The following VRK2 variants were observed in gnomAD, a reference collection of about 807,000 sequenced individuals.
VRK2 encodes the protein VRK serine/threonine kinase 2, also known as serine/threonine-protein kinase VRK2.
Under a neutral mutation model 57.6 loss-of-function variants are expected in VRK2, and 60 were observed. The ratio of observed to expected loss-of-function variants is 1.04; its 90% CI spans 0.85 to 1.29. The LOEUF (loss-of-function observed/expected upper bound fraction) is 1.29, where lower values mean the gene tolerates loss of function less well. VRK2 is among the 50% of genes most tolerant of loss of function. The pLI, the probability that VRK2 is intolerant of heterozygous loss-of-function variation, is 0.00. For missense variants in VRK2, 705 were observed against 588.1 expected (o/e 1.20, Z -2.06); for synonymous variants, 231 against 199.2 (o/e 1.16, Z -1.35).
intron 12 of VRK2, among the ~76,000 whole-genome samples, chr2:58,150,802 A>G (rs1682908780): frequency 6.6e-6 from 1 of 151,126 alleles, no homozygotes; most frequent in Admixed American, 6.6e-5. Flanking sequence ...TTGGCTGTCT[A>G]TTTCACAAAT....
At chr2:57,916,310 G>T (rs1159852126) in intron 1 of VRK2, among the ~76,000 whole-genome samples, 1 of 151,628 alleles carries the variant, frequency 6.6e-6, no homozygotes, top group Admixed American at 6.6e-5. Flanking sequence ...GGAAGTTGAG[G>T]CAGGAGAATC....
At chr2:57,995,746 T>C (rs1013706333) in intron 1 of VRK2, among the ~76,000 whole-genome samples, 4 of 152,206 alleles carry the variant, frequency 2.6e-5, no homozygotes, top group African/African-American at 9.6e-5. Context: ...AAATAATAAG[T>C]GTTACTTTTT....
chr2:57,998,900 A>G (rs1673003829), intron 1 of VRK2, among the ~76,000 whole-genome samples: 1 of 152,248 alleles, frequency 6.6e-6, no homozygotes, highest in Admixed American at 6.5e-5. Flanking sequence ...TTCTGAAGGT[A>G]TCTGAAGTCA....
chr2:58,072,296 T>C (rs1013946928), intron 2 of VRK2, among the ~76,000 whole-genome samples: 18 of 152,008 alleles, frequency 1.2e-4, no homozygotes, highest in Admixed American at 7.9e-4. Flanking sequence ...AGCTAGGACT[T>C]TCAGTATGAT....
chr2:58,004,788 A>T (rs1205573768), intron 1 of VRK2, among the ~76,000 whole-genome samples: 1 of 152,192 alleles, frequency 6.6e-6, no homozygotes, highest in Non-Finnish European at 1.5e-5. Flanking sequence ...ACAGGCAAAT[A>T]GGATAAATGT....
intron 7 of VRK2, among the ~76,000 whole-genome samples, chr2:58,102,296 C>T (rs1232193497): frequency 6.6e-6 from 1 of 151,164 alleles, no homozygotes; most frequent in Non-Finnish European, 1.5e-5. Flanking sequence ...TTAAAATACA[C>T]AGATTGCCAG....
chr2:58,049,476 C>G (rs1675382402), intron 2 of VRK2, among the ~76,000 whole-genome samples: 1 of 152,020 alleles, frequency 6.6e-6, no homozygotes, highest in African/African-American at 2.4e-5. Context: ...ATGTGCCATT[C>G]TTGGGATAAT....
At chr2:58,063,789 A>T (rs1336314422) in intron 2 of VRK2, among the ~76,000 whole-genome samples, 1 of 152,224 alleles carries the variant, frequency 6.6e-6, no homozygotes, top group African/African-American at 2.4e-5. Context: ...GATTCCTCAG[A>T]TGGATCTGGG....
chr2:58,119,810 C>T (rs971022319), intron 7 of VRK2, among the ~76,000 whole-genome samples: 5 of 150,676 alleles, frequency 3.3e-5, no homozygotes, highest in African/African-American at 1.2e-4. Flanking sequence ...TATTTTGAAC[C>T]GTATGCTAAG....
At chr2:58,068,469 G>T (rs1668928124) in intron 2 of VRK2, among the ~76,000 whole-genome samples, 1 of 151,976 alleles carries the variant, frequency 6.6e-6, no homozygotes, top group Non-Finnish European at 1.5e-5. Flanking sequence ...TTTGTTTTTA[G>T]ATTTCAGATT....
chr2:58,088,480 A>G, intron 6 of VRK2, 34 bp downstream of exon 6: 1 of 1,449,750 alleles, frequency 6.9e-7, no homozygotes, highest in Non-Finnish European at 9.6e-7. Context: ...CTCCATTTCC[A>G]AATTGTTTAC....
intron 1 of VRK2, among the ~76,000 whole-genome samples, chr2:57,967,541 G>A (rs961228142): frequency 6.6e-6 from 1 of 151,824 alleles, no homozygotes; most frequent in East Asian, 1.9e-4. Context: ...AGCTTCTAAA[G>A]CTTTTCAATA....
Position 58,103,821 on chromosome 2 carries a change from G to A in VRK2, c.543+14098G>A, listed in dbSNP as rs866787257. 7.2e-5 allele frequency among the ~76,000 whole-genome samples: 11 copies of A among 151,824 alleles called. No homozygotes were observed. The South Asian group carries it at 1.5e-3, about 20-fold the overall frequency. Reference sequence around the variant, plus strand: ...AAGAAAACGTTGGATCAATATCCCTGATGACCATAGATGCAAAGTCCTCAA... The same window carrying A: ...AAGAAAACGTTGGATCAATATCCCTAATGACCATAGATGCAAAGTCCTCAA... On this transcript the variant is annotated intron_variant, in intron 7 of 12. Transcript: ENST00000340157.
intron 3 of VRK2, among the ~76,000 whole-genome samples, chr2:58,041,393 C>T (rs1674450375): frequency 3.9e-5 from 6 of 152,112 alleles, no homozygotes; most frequent in Admixed American, 3.3e-4. Context: ...ACTGGAAACA[C>T]CAGTTCAGGC....
intron 1 of VRK2, among the ~76,000 whole-genome samples, chr2:57,956,549 A>G (rs143987834): frequency 5.1e-4 from 77 of 152,110 alleles, no homozygotes; most frequent in African/African-American, 1.8e-3. Context: ...CTAGGTTTGG[A>G]TTTAATTCTT....
At chr2:58,002,671 A>G (rs1673126732) in intron 1 of VRK2, among the ~76,000 whole-genome samples, 2 of 152,204 alleles carry the variant, frequency 1.3e-5, no homozygotes, top group South Asian at 2.1e-4. Context: ...TCAGAAACAA[A>G]TATTTTAGGC....
chr2:58,024,180 T>C (rs946885697), intron 1 of VRK2, among the ~76,000 whole-genome samples: 3 of 152,050 alleles, frequency 2.0e-5, no homozygotes, highest in Non-Finnish European at 4.4e-5. Context: ...AAAAATATTT[T>C]TGACTCCCAG....
intron 1 of VRK2, among the ~76,000 whole-genome samples, chr2:58,017,026 A>G (rs891777507): frequency 6.6e-6 from 1 of 152,152 alleles, no homozygotes; most frequent in Non-Finnish European, 1.5e-5. Flanking sequence ...GGGGAAAAAA[A>G]AGTTTACTTT....
At chr2:57,912,163 T>G (rs1052862152) in intron 1 of VRK2, among the ~76,000 whole-genome samples, 1 of 152,200 alleles carries the variant, frequency 6.6e-6, no homozygotes, top group Non-Finnish European at 1.5e-5. Context: ...AACTTCTCAG[T>G]TGTATAAAGA....
Sources: allele counts gnomAD v4.1 joint callset (sites outside exome capture counted in the v4.1 genomes callset), GRCh38; gene constraint gnomAD v4.1.1; transcripts MANE v1.5; gene names NCBI Gene and HGNC (gene_info 2026-07-23, HGNC 2026-07-21).